Variants in KHDRBS2 observed in about 807,000 individuals in gnomAD.
KHDRBS2 encodes KH domain-containing, RNA-binding, signal transduction-associated protein 2.
In KHDRBS2, 26 loss-of-function variants were observed where a neutral mutation model predicts 44.3. The ratio of observed to expected loss-of-function variants is 0.59; its 90% confidence interval spans 0.43 to 0.81. The LOEUF (loss-of-function observed/expected upper bound fraction) is 0.81. Among genes scored for constraint, KHDRBS2 ranks in the 40% least tolerant of loss-of-function variants. The pLI, the probability that KHDRBS2 is intolerant of heterozygous loss-of-function variation, is 0.00. For synonymous variants in KHDRBS2, 194 were observed against 151.1 expected (o/e 1.28, Z -2.08); for missense variants, 476 against 433.1 (o/e 1.10, Z -0.88).
the KHDRBS2 span, among the ~76,000 whole-genome samples, chr6:61,651,674 T>C: frequency 6.6e-6 from 1 of 152,122 alleles, no homozygotes; most frequent in Non-Finnish European, 1.5e-5. Context: ...AACCAGGACT[T>C]GAAACCAAGC....
chr6:61,581,033 T>G, the KHDRBS2 span, among the ~76,000 whole-genome samples: 466 of 152,328 alleles, frequency 3.1e-3, 3 homozygotes, highest in African/African-American at 0.011. Context: ...ATCTACGTTA[T>G]CAGGTTGGGT....
intron 6 of KHDRBS2, among the ~76,000 whole-genome samples, chr6:61,860,817 T>C (rs1325902575): frequency 6.6e-6 from 1 of 152,138 alleles, no homozygotes; most frequent in Admixed American, 6.6e-5. Context: ...ATGGTTGAAC[T>C]AATTTACTCT....
At chr6:61,765,227 A>C (rs1779839477) in intron 6 of KHDRBS2, among the ~76,000 whole-genome samples, 1 of 152,146 alleles carries the variant, frequency 6.6e-6, no homozygotes, top group South Asian at 2.1e-4. Flanking sequence ...CTGAGGTTGT[A>C]GGATTGTTTG....
intron 6 of KHDRBS2, among the ~76,000 whole-genome samples, chr6:61,816,239 T>C (rs774620700): frequency 6.6e-6 from 1 of 152,156 alleles, no homozygotes; most frequent in Non-Finnish European, 1.5e-5. Context: ...GAACATAACC[T>C]TATTTGAAAA....
chr6:61,900,987 A>T (rs1193826480), intron 5 of KHDRBS2, among the ~76,000 whole-genome samples: 3 of 152,122 alleles, frequency 2.0e-5, no homozygotes, highest in African/African-American at 7.2e-5. Flanking sequence ...ACGTGACCCC[A>T]GGTAAATTTC....
rs143076684 is a variant in KHDRBS2 at position 62,042,656 on chromosome 6, C to T, written c.336+5222G>A. ...AGAGATGGCTGGTGCTAGGTTCACA[C>T]CCATATTGCCCACTAGGCAGCCACA... is the stretch of plus-strand genomic sequence containing the variant. On this transcript the variant is annotated intron_variant, in intron 3 of 8. Transcript: ENST00000281156. Among the ~76,000 whole-genome samples, 793 of 152,182 alleles carry T rather than the reference C, an allele frequency of 5.2e-3. 9 individuals are homozygous for T. Among genetic ancestry groups the T allele is most frequent in the Middle Eastern group, 0.017 (5 of 294 alleles).
intron 7 of KHDRBS2, among the ~76,000 whole-genome samples, chr6:61,718,269 C>A (rs1771774765): frequency 6.6e-6 from 1 of 152,026 alleles, no homozygotes; most frequent in Non-Finnish European, 1.5e-5. Flanking sequence ...GTTTGAGAAC[C>A]TATTTTTCCA....
chr6:62,178,970 TCTGA>T (rs529617182), intron 1 of KHDRBS2, among the ~76,000 whole-genome samples: 43 of 151,720 alleles, frequency 2.8e-4, no homozygotes, highest in Admixed American at 5.3e-4. Context: ...CTTTTAAAGG[TCTGA>T]CTATTTCCAA....
intron 4 of KHDRBS2, among the ~76,000 whole-genome samples, chr6:61,969,069 C>T (rs1770752523): frequency 6.6e-6 from 1 of 151,968 alleles, no homozygotes; most frequent in Non-Finnish European, 1.5e-5. Context: ...AGAAATGAAT[C>T]CACATAGGTA....
chr6:62,136,175 G>A (rs1469844486), intron 2 of KHDRBS2, among the ~76,000 whole-genome samples: 1 of 151,906 alleles, frequency 6.6e-6, no homozygotes, highest in African/African-American at 2.4e-5. Context: ...ACATCATGTT[G>A]GATACCTTAA....
intron 3 of KHDRBS2, among the ~76,000 whole-genome samples, chr6:61,994,686 G>A (rs768066887): frequency 2.0e-4 from 30 of 152,118 alleles, no homozygotes; most frequent in African/African-American, 2.2e-4. Flanking sequence ...GTTATGGGAC[G>A]TTTATTCATG....
At chr6:62,029,640 C>A (rs1024883936) in intron 3 of KHDRBS2, among the ~76,000 whole-genome samples, 3 of 151,856 alleles carry the variant, frequency 2.0e-5, no homozygotes, top group Non-Finnish European at 4.4e-5. Context: ...GATTCATCTG[C>A]ATTCAGTACC....
intron 6 of KHDRBS2, among the ~76,000 whole-genome samples, chr6:61,777,253 C>T (rs1345053162): frequency 6.6e-6 from 1 of 151,964 alleles, no homozygotes; most frequent in Admixed American, 6.6e-5. Context: ...CAAACCTGCA[C>T]GTTGTGCACA....
chr6:62,121,406 C>T (rs578108944), intron 2 of KHDRBS2, among the ~76,000 whole-genome samples: 1 of 152,336 alleles, frequency 6.6e-6, no homozygotes, highest in Admixed American at 6.5e-5. Context: ...GTTCATAAGA[C>T]AGATAGATCT....
chr6:61,961,964 T>C (rs1768837027), intron 4 of KHDRBS2, among the ~76,000 whole-genome samples: 2 of 120,788 alleles, frequency 1.7e-5, no homozygotes. Context: ...TACAATAGCA[T>C]ATTTTATGTG....
chr6:61,726,350 T>A (rs1470585953), intron 7 of KHDRBS2, among the ~76,000 whole-genome samples: 1 of 152,164 alleles, frequency 6.6e-6, no homozygotes, highest in African/African-American at 2.4e-5. Context: ...GCATTCCTCT[T>A]ACAAACTGGC....
At chr6:61,979,577 T>C (rs1270051346) in intron 3 of KHDRBS2, among the ~76,000 whole-genome samples, 1 of 152,134 alleles carries the variant, frequency 6.6e-6, no homozygotes, top group African/African-American at 2.4e-5. Flanking sequence ...TGCGTTCCTG[T>C]ATATATACCC....
intron 7 of KHDRBS2, among the ~76,000 whole-genome samples, chr6:61,704,629 G>A (rs1259457572): frequency 6.6e-6 from 1 of 151,784 alleles, no homozygotes; most frequent in Non-Finnish European, 1.5e-5. Flanking sequence ...TATATTAGGA[G>A]CCATTGAAGA....
At chr6:61,561,569 T>C in the KHDRBS2 span, among the ~76,000 whole-genome samples, 2 of 152,108 alleles carry the variant, frequency 1.3e-5, no homozygotes, top group African/African-American at 4.8e-5. Flanking sequence ...AAGATGAATT[T>C]CTTCCCACTC....
Sources: allele counts gnomAD v4.1 joint callset (sites outside exome capture counted in the v4.1 genomes callset), GRCh38; gene constraint gnomAD v4.1.1; transcripts MANE v1.5; gene names NCBI Gene and HGNC (gene_info 2026-07-23, HGNC 2026-07-21).